The following KAZN variants were observed in gnomAD, a reference collection of about 807,000 sequenced individuals.
KAZN encodes the protein kazrin, periplakin interacting protein, also known as kazrin.
KAZN carries 40 observed loss-of-function variants against 87.4 expected under a neutral mutation model. The ratio of observed to expected loss-of-function variants is 0.46; its 90% CI spans 0.36 to 0.60. KAZN has a LOEUF of 0.60. KAZN is among the 20% of genes least tolerant of loss of function. The probability of loss-of-function intolerance (pLI) is 0.00; values close to 1 mark genes in which losing one functional copy is unlikely to be tolerated. For missense variants in KAZN, 898 were observed against 1,073.9 expected, an observed-to-expected ratio of 0.84 and a Z score of 2.29; for synonymous variants, 466 against 458.3, an observed-to-expected ratio of 1.02 and a Z score of -0.22.
chr1:14,477,008 C>A (rs1257036196), intron 2 of KAZN, among the ~76,000 whole-genome samples: 1 of 152,172 alleles, frequency 6.6e-6, no homozygotes, highest in Non-Finnish European at 1.5e-5. Context: ...GTAAATGTCA[C>A]CAACCTGGAA....
chr1:14,509,229 G>A (rs927554527), intron 2 of KAZN, among the ~76,000 whole-genome samples: 17 of 152,332 alleles, frequency 1.1e-4, no homozygotes, highest in African/African-American at 3.4e-4. Context: ...TGGCTTACAC[G>A]TATCATTGCA....
rs1234346378 is a variant in KAZN, at chr1:14,770,341, GTAGC to G, written c.226+171120_226+171123del. Among the ~76,000 whole-genome samples the G allele has an allele frequency of 5.9e-5, 9 of 152,186 alleles. No homozygotes were observed. The East Asian group carries it at 1.7e-3, about 29-fold the overall frequency. The stretch of plus-strand genomic sequence containing the variant: ...ATGTAGCCAGGCAAGAAGGAGGATG[GTAGC>G]TTGGACCAGGATGCTGTGATAGAGA... On this transcript the variant is annotated intron_variant, in intron 1 of 14. Transcript: ENST00000376030.
chr1:14,845,854 A>G (rs80125791), intron 1 of KAZN, among the ~76,000 whole-genome samples: 7,165 of 152,176 alleles, frequency 0.047, 246 homozygotes, highest in Admixed American at 0.09. Flanking sequence ...CCTCGAGGCA[A>G]GTCGGCCCCA....
chr1:14,544,337 TCTTTC>T (rs150483262), intron 2 of KAZN, among the ~76,000 whole-genome samples: 1 of 124,526 alleles, frequency 8.0e-6, no homozygotes, highest in Non-Finnish European at 1.7e-5. Context: ...TTTTTCTTTT[TCTTTC>T]TTTCTTTCTT....
chr1:14,883,411 G>GAA (rs1256552833), intron 1 of KAZN, among the ~76,000 whole-genome samples: 2 of 145,856 alleles, frequency 1.4e-5, no homozygotes, highest in Non-Finnish European at 3.0e-5. Context: ...AAGAAAGAAA[G>GAA]AAAGAAAGAA....
chr1:14,596,308 GCACACACACACACA>G (rs56758780), upstream of KAZN, among the ~76,000 whole-genome samples: 17 of 150,190 alleles, frequency 1.1e-4, no homozygotes, highest in African/African-American at 4.1e-4. Context: ...ACACGTGTGC[GCACACACACACACA>G]CACACACACA....
rs141120268 is a variant in KAZN at position 14,680,152 on chromosome 1, T to G, written c.226+80929T>G. Among the ~76,000 whole-genome samples the G allele has an allele frequency of 2.3e-3, 345 of 152,290 alleles. 2 individuals carry two copies. The highest frequency in any genetic ancestry group is 7.9e-3 in the African/African-American group (327 of 41,560). ...TTTTAAAATTATCTTTTTAAAAAAA[T>G]TACGGTATGATTCACATACAGTGAA... On this transcript the variant is annotated intron_variant, in intron 1 of 14. Transcript: ENST00000376030.
At chr1:14,604,174 G>A (rs898654031) in intron 1 of KAZN, among the ~76,000 whole-genome samples, 1 of 152,126 alleles carries the variant, frequency 6.6e-6, no homozygotes, top group African/African-American at 2.4e-5. Context: ...TGCATATTAG[G>A]GTGAGTAGCA....
intron 1 of KAZN, among the ~76,000 whole-genome samples, chr1:14,739,062 A>G (rs1644005811): frequency 6.6e-6 from 1 of 152,176 alleles, no homozygotes; most frequent in Non-Finnish European, 1.5e-5. Flanking sequence ...CTGTGGTCCC[A>G]GGAGTCCTCA....
At chr1:13,926,489 C>T (rs1350921930) in intron 1 of KAZN, among the ~76,000 whole-genome samples, 1 of 152,112 alleles carries the variant, frequency 6.6e-6, no homozygotes, top group African/African-American at 2.4e-5. Flanking sequence ...CCCACATTTC[C>T]CCTGCCTTTT....
chr1:14,666,271 G>A (rs973515050), intron 1 of KAZN, among the ~76,000 whole-genome samples: 2 of 152,012 alleles, frequency 1.3e-5, no homozygotes, highest in African/African-American at 4.8e-5. Flanking sequence ...GGGTGAGTCG[G>A]TATCAGCAGG....
chr1:15,019,015 G>C (rs576347676), intron 2 of KAZN, among the ~76,000 whole-genome samples: 1 of 152,356 alleles, frequency 6.6e-6, no homozygotes, highest in South Asian at 2.1e-4. Context: ...GGGAGGCTGA[G>C]CAGGACCTGA....
Position 14,156,915 on chromosome 1 carries a change from T to G in KAZN, c.92-23520T>G, listed in dbSNP as rs199864173. Among the ~76,000 whole-genome samples, 38 of 150,954 alleles carry G rather than the reference T, an allele frequency of 2.5e-4. 1 individual carries two copies. In the East Asian group the frequency reaches 6.4e-3, roughly 25 times the overall value. ...TGGTTGTTTTGTGGTCTTTTGTTTT[T>G]TTTTTTTTTTTCCTTGTCTTTTTTT... is the stretch of plus-strand genomic sequence containing the variant. On this transcript the variant is annotated intron_variant, in intron 1 of 16. Transcript: ENST00000636203.
chr1:14,297,070 A>T (rs1321277232), intron 2 of KAZN, among the ~76,000 whole-genome samples: 1 of 152,066 alleles, frequency 6.6e-6, no homozygotes, highest in Non-Finnish European at 1.5e-5. Context: ...TGAGTCATGT[A>T]TCAATTAGCA....
chr1:14,022,547 CA>C (rs2101267167), intron 1 of KAZN, among the ~76,000 whole-genome samples: 1 of 116,088 alleles, frequency 8.6e-6, no homozygotes, highest in Non-Finnish European at 1.8e-5. Flanking sequence ...AAATAACAAA[CA>C]AAAACTGTGG....
At position 14,621,937 on chromosome 1, in the gene KAZN, C is replaced by T. The variant is rs144027730; in HGVS notation, c.226+22714C>T. Among the ~76,000 whole-genome samples the T allele has an allele frequency of 5.5e-3, 833 of 152,230 alleles. 4 individuals are homozygous for T. The highest frequency in any genetic ancestry group is 8.7e-3 in the Non-Finnish European group (589 of 68,018). On this transcript the variant is annotated intron_variant, in intron 1 of 14. Transcript: ENST00000376030. ...CTAATACAATGGGAAAGTTGCAAAC[C>T]CTAAGAAACCTTACAAAGCCTGTAC...
rs58713618 is a variant in KAZN, at chr1:14,022,485, C to CAAAAAAAA, written c.91+128751_91+128758dup. Among the ~76,000 whole-genome samples the CAAAAAAAA allele has an allele frequency of 5.7e-3, 631 of 110,472 alleles. 3 individuals carry two copies. Among genetic ancestry groups the CAAAAAAAA allele is most frequent in the East Asian group, 0.03 (82 of 2,778 alleles). 72.5% of individuals were successfully genotyped at this position (110,472 alleles called of 152,430 possible). A position where few individuals can be genotyped will look rare whatever the true frequency, so the allele number is the denominator to read the frequency against. On this transcript the variant is annotated intron_variant, in intron 1 of 16. Coordinates refer to the KAZN transcript ENST00000636203. ...CATTATAGCTTTCACGTATTTAAAG[C>CAAAAAAAA]AAAAAAAAAAAAAAAAAAAAAAAAA...
At chr1:14,736,529 T>C (rs1643913889) in intron 1 of KAZN, among the ~76,000 whole-genome samples, 1 of 146,852 alleles carries the variant, frequency 6.8e-6, no homozygotes, top group Non-Finnish European at 1.5e-5. Context: ...CAGGCTGATC[T>C]CGAACTCCTC....
chr1:14,714,309 T>C (rs1455138981), intron 1 of KAZN, among the ~76,000 whole-genome samples: 1 of 152,164 alleles, frequency 6.6e-6, no homozygotes, highest in Admixed American at 6.5e-5. Flanking sequence ...GTGAAGAGTA[T>C]TAGAGTATCC....
Sources: gnomAD v4.1 joint callset for allele counts (sites outside exome capture counted in the v4.1 genomes callset) on GRCh38, gnomAD v4.1.1 for gene constraint, MANE v1.5 for transcripts, NCBI Gene and HGNC (gene_info 2026-07-23, HGNC 2026-07-21) for gene names.